Variants in FBXL14 observed in about 807,000 individuals in gnomAD.
FBXL14 encodes the protein F-box/LRR-repeat protein 14.
A neutral mutation model predicts 24.5 loss-of-function variants in FBXL14; 11 were observed. The ratio of observed to expected loss-of-function variants is 0.45; its 90% CI spans 0.28 to 0.74. The LOEUF is 0.74. FBXL14 is among the 30% of genes least tolerant of loss of function. FBXL14 has a pLI of 0.12. For synonymous variants in FBXL14, 294 were observed against 240.4 expected (o/e 1.22, Z -2.06); for missense variants, 384 against 545.6 (o/e 0.70, Z 2.95).
intron 1 of FBXL14, among the ~76,000 whole-genome samples, chr12:1,587,918 C>A (rs2094480312): frequency 1.3e-5 from 2 of 152,136 alleles, no homozygotes; most frequent in Admixed American, 1.3e-4. Context: ...CATAATGGCA[C>A]AAAATTTAGG....
At chr12:1,582,986 C>T (rs1036539436) in intron 1 of FBXL14, among the ~76,000 whole-genome samples, 2 of 152,108 alleles carry the variant, frequency 1.3e-5, no homozygotes, top group African/African-American at 4.8e-5. Context: ...TGTCAGTTTT[C>T]TGTAGGAGGA....
chr12:1,590,464 G>C (rs1184781902), intron 1 of FBXL14, among the ~76,000 whole-genome samples: 1 of 152,008 alleles, frequency 6.6e-6, no homozygotes, highest in Non-Finnish European at 1.5e-5. Flanking sequence ...AAACAACCCA[G>C]ACCAATGTGA....
intron 1 of FBXL14, among the ~76,000 whole-genome samples, chr12:1,580,353 T>C (rs2094463837): frequency 6.6e-6 from 1 of 152,218 alleles, no homozygotes; most frequent in African/African-American, 2.4e-5. Context: ...AGGGCTTAAA[T>C]GGGGTCAGAA....
At chr12:1,581,051 G>A (rs766696533) in intron 1 of FBXL14, among the ~76,000 whole-genome samples, 1 of 152,202 alleles carries the variant, frequency 6.6e-6, no homozygotes, top group Non-Finnish European at 1.5e-5. Context: ...AGACGGCCGT[G>A]GGACTGGCCT....
At chr12:1,576,770 C>T (rs1393166801) in intron 1 of FBXL14, among the ~76,000 whole-genome samples, 1 of 152,180 alleles carries the variant, frequency 6.6e-6, no homozygotes, top group Non-Finnish European at 1.5e-5. Flanking sequence ...TGCTCTGTCG[C>T]CCCAGCCCTT....
chr12:1,584,803 GAC>G (rs1335477462), intron 1 of FBXL14, among the ~76,000 whole-genome samples: 1 of 152,206 alleles, frequency 6.6e-6, no homozygotes, highest in Non-Finnish European at 1.5e-5. Flanking sequence ...GTTTGCTTAA[GAC>G]ACACGTACTG....
intron 1 of FBXL14, among the ~76,000 whole-genome samples, chr12:1,573,732 T>C (rs1032798401): frequency 2.0e-5 from 3 of 152,138 alleles, no homozygotes; most frequent in Non-Finnish European, 2.9e-5. Context: ...AGGCCGGGCC[T>C]GGTGGCTCAC....
chr12:1,572,453 T>G (rs1334508633), intron 1 of FBXL14, among the ~76,000 whole-genome samples: 1 of 152,230 alleles, frequency 6.6e-6, no homozygotes, highest in Admixed American at 6.5e-5. Context: ...CATTTTGATT[T>G]GGCTTTTTTT....
At chr12:1,586,447 T>C (rs1170425657) in intron 1 of FBXL14, among the ~76,000 whole-genome samples, 1 of 152,182 alleles carries the variant, frequency 6.6e-6, no homozygotes, top group Non-Finnish European at 1.5e-5. Flanking sequence ...GTTCAAGTGA[T>C]CCTCCCACCT....
chr12:1,587,064 C>T (rs974811114), intron 1 of FBXL14, among the ~76,000 whole-genome samples: 3 of 151,678 alleles, frequency 2.0e-5, no homozygotes, highest in African/African-American at 7.3e-5. Context: ...ATGGAGAAAC[C>T]CCGTCTCTAC....
rs1238436515 is a variant in FBXL14 at position 1,593,758 on chromosome 12, G to A, written c.309C>T (p.Leu103=). ...ESLNLSGCYN[L]TDNGLGHAFV... The stretch of plus-strand genomic sequence containing the variant: ...ACGCGTGGCCCAGCCCGTTGTCGGT[G>A]AGGTTGTAGCAGCCGCTGAGGTTGA... Residue 103 remains leucine, a synonymous_variant, in exon 1 of 2, where the codon CTC becomes CTT. Coordinates refer to ENST00000339235, the MANE Select transcript of FBXL14 (RefSeq NM_152441.3). This position sits in a 1 kb window ranked among gnomAD's most constrained non-coding sequence, Gnocchi z 7.4. The A allele has an allele frequency of 6.2e-7, 1 of 1,614,202 alleles. No homozygotes were observed. The highest frequency in any genetic ancestry group is 8.5e-7 in the Non-Finnish European group (1 of 1,180,036).
chr12:1,573,733 G>GCA (rs2094449592), intron 1 of FBXL14, among the ~76,000 whole-genome samples: 4 of 152,218 alleles, frequency 2.6e-5, no homozygotes, highest in Admixed American at 6.5e-5. Flanking sequence ...GGCCGGGCCT[G>GCA]GTGGCTCACA....
At position 1,593,668 on chromosome 12, in the gene FBXL14, G is replaced by C. The variant is rs759309510; in HGVS notation, c.399C>G (p.Ser133Arg). Residue 133 changes from serine to arginine, a missense_variant, in exon 1 of 2, where the codon AGC (serine) becomes AGG (arginine). Transcript: ENST00000339235. The surrounding 1 kb of genome is among the most constrained non-coding windows in gnomAD (Gnocchi z 7.4). Reference sequence around the variant, plus strand: ...GGTACTGGGCTATGCGGCCCAGGCTGCTGTCAGTGATCTGCTTGCAGAGGC... The same window carrying C: ...GGTACTGGGCTATGCGGCCCAGGCTCCTGTCAGTGATCTGCTTGCAGAGGC... Reference protein sequence around the residue: ...NLSLCKQITDSSLGRIAQYLK... With the variant: ...NLSLCKQITDRSLGRIAQYLK... The C allele has an allele frequency of 6.2e-7, 1 of 1,614,184 alleles. No individual in the cohort carries two copies.
At chr12:1,568,863 CAAAA>C (rs888819140) in intron 1 of FBXL14, among the ~76,000 whole-genome samples, 2 of 151,876 alleles carry the variant, frequency 1.3e-5, no homozygotes, top group African/African-American at 4.8e-5. Flanking sequence ...TCTCAAAAAA[CAAAA>C]AAAGATTGTC....
chr12:1,570,618 G>T (rs7969171), intron 1 of FBXL14, among the ~76,000 whole-genome samples: 95,757 of 151,880 alleles, frequency 0.63, 31,144 homozygotes, highest in African/African-American at 0.77. Context: ...AGAATGTCTA[G>T]CATTTTGTCT....
At chr12:1,575,309 CT>C (rs1200208720) in intron 1 of FBXL14, among the ~76,000 whole-genome samples, 1 of 152,176 alleles carries the variant, frequency 6.6e-6, no homozygotes, top group Non-Finnish European at 1.5e-5. Context: ...GTATTTGTGT[CT>C]GTCTAAATCT....
chr12:1,575,833 C>G (rs994900712), intron 1 of FBXL14, among the ~76,000 whole-genome samples: 5 of 152,202 alleles, frequency 3.3e-5, no homozygotes, highest in African/African-American at 1.2e-4. Flanking sequence ...AGGGAACCGT[C>G]TTTGCCTGGA....
chr12:1,578,593 C>G (rs757878587), intron 1 of FBXL14, among the ~76,000 whole-genome samples: 1 of 152,164 alleles, frequency 6.6e-6, no homozygotes, highest in South Asian at 2.1e-4. Flanking sequence ...GAGCCGAGAT[C>G]GCGCCACTGC....
At chr12:1,575,301 A>G (rs1406050014) in intron 1 of FBXL14, among the ~76,000 whole-genome samples, 1 of 152,202 alleles carries the variant, frequency 6.6e-6, no homozygotes, top group African/African-American at 2.4e-5. Context: ...AAAAGAAAGT[A>G]TTTGTGTCTG....
Sources: gnomAD v4.1 joint callset for allele counts (sites outside exome capture counted in the v4.1 genomes callset) on GRCh38, gnomAD v4.1.1 for gene constraint, Gnocchi (gnomAD v3.1) non-coding constraint, MANE v1.5 for transcripts, NCBI Gene and HGNC (gene_info 2026-07-23, HGNC 2026-07-21) for gene names.